HTT: variants seen among roughly 807,000 people sequenced by gnomAD.
The protein encoded by HTT is huntingtin.
HTT carries 104 observed loss-of-function variants against 362.3 expected under a neutral mutation model. The ratio of observed to expected loss-of-function variants is 0.29; its 90% confidence interval spans 0.24 to 0.34. HTT has a LOEUF of 0.34. Among genes scored for constraint, HTT ranks in the 10% least tolerant of loss-of-function variants. The pLI is 1.00. For synonymous variants in HTT, 1,577 were observed against 1,548.7 expected (o/e 1.02, Z -0.43); for missense variants, 3,301 against 3,928.6 (o/e 0.84, Z 4.27).
At chr4:3,196,892 T>A (rs1021365510) in intron 40 of HTT, among the ~76,000 whole-genome samples, 4 of 152,216 alleles carry the variant, frequency 2.6e-5, no homozygotes. Flanking sequence ...GCCCTCCTGC[T>A]TCCTTCATGA....
rs1462079991 is a variant in HTT at position 3,224,115 on chromosome 4, G to A, written c.7749G>A (p.Leu2583=). Reference sequence around the variant, plus strand: ...AGGCATGGGATCCTGTCCCTTCTCTGTCTCCGGCTACTACAGGTACCTGAG... The same window carrying A: ...AGGCATGGGATCCTGTCCCTTCTCTATCTCCGGCTACTACAGGTACCTGAG... ...LYQAWDPVPS[L]SPATTGALIS... is the part of the protein sequence containing the mutation. Residue 2583 remains leucine (L), a synonymous_variant, in exon 56 of 67, where the codon CTG becomes CTA. Transcript: ENST00000355072. The A allele has an allele frequency of 6.2e-7, 1 of 1,614,082 alleles. No homozygotes were observed. Among genetic ancestry groups the A allele is most frequent in the Admixed American group, 1.7e-5 (1 of 60,022 alleles).
intron 40 of HTT, among the ~76,000 whole-genome samples, chr4:3,191,936 A>G (rs895716472): frequency 6.6e-6 from 1 of 152,184 alleles, no homozygotes; most frequent in African/African-American, 2.4e-5. Flanking sequence ...AAGAGAAAGA[A>G]TGTGTTGGTT....
chr4:3,236,371 T>G, intron 64 of HTT, 117 bp downstream of exon 64: 1 of 760,052 alleles, frequency 1.3e-6, no homozygotes, highest in Non-Finnish European at 2.3e-6. Flanking sequence ...CTGCCAGTGA[T>G]TCCCCACCAC....
At chr4:3,158,750 A>G (rs363146) in intron 28 of HTT, among the ~76,000 whole-genome samples, 148,834 of 152,128 alleles carry the variant, frequency 0.98, 72,894 homozygotes, top group South Asian at 1. Flanking sequence ...ACAAGGTTTG[A>G]GGTCTCTTTA....
At chr4:3,081,869 C>G (rs1330367821) in intron 1 of HTT, among the ~76,000 whole-genome samples, 3 of 151,514 alleles carry the variant, frequency 2.0e-5, no homozygotes, top group South Asian at 4.2e-4. Flanking sequence ...GAAAGCATTT[C>G]TTTTTTGGCT....
In HTT at chr4:3,154,432, GT is replaced by G. The variant is rs767967579; in HGVS notation, c.3625+14del. ...GAGGCCAGTGCAGGTAGGAAACAGC[GT>G]GGGGAAGGGAGGGACATGAGTGCAG... On this transcript the variant is annotated intron_variant, in intron 27 of 66. Coordinates refer to ENST00000355072, the MANE Select transcript of HTT (RefSeq NM_001388492.1). 3.1e-6 allele frequency: 5 copies of G among 1,612,684 alleles called. No homozygotes were observed. In the South Asian group the frequency reaches 5.5e-5, roughly 18 times the overall value.
chr4:3,140,549 A>G lies in HTT; in HGVS notation c.2838A>G (p.Gln946=). 1 of 1,614,152 alleles carries G rather than the reference A, an allele frequency of 6.2e-7. No homozygotes were observed. The highest frequency in any genetic ancestry group is 2.2e-5 in the East Asian group (1 of 44,882). Residue 946 remains glutamine (Q), a synonymous_variant, in exon 22 of 67, where the codon CAA becomes CAG. Transcript: ENST00000355072. ...PKLFYKCDQG[Q]ADPVVAVARD... is the part of the protein sequence containing the mutation. ...TGTTTTATAAATGTGACCAAGGACA[A>G]GCTGATCCAGTAGTGGCCGTGGCAA...
intron 62 of HTT, 60 bp from the exon 63 acceptor site, chr4:3,235,505 G>A: frequency 6.4e-7 from 1 of 1,558,736 alleles, no homozygotes; most frequent in Non-Finnish European, 8.8e-7. Flanking sequence ...TCGGGAGGAG[G>A]CATGAACACC....
chr4:3,146,615 C>T (rs1716616418), intron 24 of HTT, among the ~76,000 whole-genome samples, 182 bp from the exon 25 acceptor site: 1 of 152,158 alleles, frequency 6.6e-6, no homozygotes, highest in Admixed American at 6.5e-5. Flanking sequence ...TTTCATTTCT[C>T]AAATGATTTT....
intron 40 of HTT, among the ~76,000 whole-genome samples, chr4:3,196,352 C>T (rs534006067): frequency 2.8e-4 from 42 of 152,162 alleles, no homozygotes; most frequent in Non-Finnish European, 5.4e-4. Context: ...ATCCTCCTGC[C>T]GGCTTCCTGG....
intron 11 of HTT, 77 bp from the exon 12 acceptor site, chr4:3,127,187 G>GT (rs1715560120): frequency 2.8e-6 from 3 of 1,084,714 alleles, no homozygotes; most frequent in Non-Finnish European, 2.8e-6. Flanking sequence ...GGAACTGTTC[G>GT]TTATTTTGCA....
At chr4:3,146,655 T>G (rs558270445) in intron 24 of HTT, 142 bp from the exon 25 acceptor site, 1 of 702,612 alleles carries the variant, frequency 1.4e-6, no homozygotes, top group Non-Finnish European at 2.5e-6. Context: ...GGAAAGATGT[T>G]AGTTGATTAA....
chr4:3,132,478 C>T, intron 16 of HTT, 84 bp from the exon 17 acceptor site: 1 of 1,189,822 alleles, frequency 8.4e-7, no homozygotes, highest in Non-Finnish European at 1.2e-6. Flanking sequence ...CTCTTTTTCT[C>T]TTTCCTGAGA....
intron 1 of HTT, among the ~76,000 whole-genome samples, chr4:3,076,383 TA>T (rs1277702962): frequency 1.3e-5 from 2 of 152,226 alleles, no homozygotes; most frequent in African/African-American, 2.4e-5. Context: ...GATTAATTTT[TA>T]GTAATATTTC....
At chr4:3,213,563 A>G (rs1720260545) in intron 49 of HTT, among the ~76,000 whole-genome samples, 1 of 152,220 alleles carries the variant, frequency 6.6e-6, no homozygotes, top group Non-Finnish European at 1.5e-5. Context: ...CCATTCTGGC[A>G]TTTGAACCCA....
chr4:3,138,182 CCTG>C, intron 21 of HTT, among the ~76,000 whole-genome samples: 1 of 111,920 alleles, frequency 8.9e-6, no homozygotes, highest in African/African-American at 5.9e-5. Context: ...CCCCTTCCCG[CCTG>C]CCTGCCTGCC....
chr4:3,229,876 C>T lies in HTT; in HGVS notation c.8110-11C>T. 1 of 1,613,736 alleles carries T rather than the reference C, an allele frequency of 6.2e-7. No homozygotes were observed. The highest frequency in any genetic ancestry group is 8.5e-7 in the Non-Finnish European group (1 of 1,179,642). ...TTCTCCCCTTGCCCTCCTGGTTTTC[C>T]ACATCTCCAGCTTCTAGTGGTCTCA... On this transcript the variant is annotated splice_polypyrimidine_tract_variant and intron_variant, in intron 59 of 66. Coordinates refer to ENST00000355072, the MANE Select transcript of HTT (RefSeq NM_001388492.1).
At chr4:3,109,984 A>G (rs1714664927) in intron 6 of HTT, among the ~76,000 whole-genome samples, 1 of 152,064 alleles carries the variant, frequency 6.6e-6, no homozygotes, top group South Asian at 2.1e-4. Context: ...GGTGGAGGAG[A>G]CAGCCGCCCA....
chr4:3,220,957 G>A (rs1423765390), intron 53 of HTT, among the ~76,000 whole-genome samples: 1 of 152,212 alleles, frequency 6.6e-6, no homozygotes, highest in Non-Finnish European at 1.5e-5. Context: ...CTAAACAAAT[G>A]TTACCCCTTA....
Sources: gnomAD v4.1 joint callset for allele counts (sites outside exome capture counted in the v4.1 genomes callset) on GRCh38, gnomAD v4.1.1 for gene constraint, MANE v1.5 for transcripts, NCBI Gene and HGNC (gene_info 2026-07-23, HGNC 2026-07-21) for gene names.